The following PTPRM variants were observed in gnomAD, a reference collection of about 807,000 sequenced individuals.
PTPRM encodes the protein receptor-type tyrosine-protein phosphatase mu.
In PTPRM, 47 loss-of-function variants were observed where a neutral mutation model predicts 186.7. That is an observed-to-expected ratio of 0.25 (90% CI 0.20 to 0.32). The LOEUF (loss-of-function observed/expected upper bound fraction) is 0.32, where lower values mean the gene tolerates loss of function less well. Among genes scored for constraint, PTPRM ranks in the 10% least tolerant of loss-of-function variants. The pLI is 1.00. For synonymous variants in PTPRM, 668 were observed against 674.9 expected (o/e 0.99, Z 0.16); for missense variants, 1,494 against 1,865.0 (o/e 0.80, Z 3.66).
chr18:8,380,546 A>G (rs1033759938), intron 29 of PTPRM, 119 bp downstream of exon 29: 3 of 1,239,466 alleles, frequency 2.4e-6, no homozygotes, highest in African/African-American at 3.0e-5. Context: ...GTGCCAGTTG[A>G]AGTTGAGAAC....
chr18:8,384,524 T>G (rs761025929), intron 29 of PTPRM, 37 bp from the exon 30 acceptor site: 14 of 1,611,628 alleles, frequency 8.7e-6, no homozygotes, highest in Non-Finnish European at 1.1e-5. Flanking sequence ...AAATTTCCTC[T>G]TATAACTAAC....
At chr18:8,075,598 A>G (rs2089760555) in intron 8 of PTPRM, among the ~76,000 whole-genome samples, 1 of 152,142 alleles carries the variant, frequency 6.6e-6, no homozygotes, top group Admixed American at 6.6e-5. Context: ...ATTTTATAGA[A>G]AACTGGCAAA....
intron 23 of PTPRM, among the ~76,000 whole-genome samples, chr18:8,356,088 A>G (rs1238659423): frequency 6.6e-6 from 1 of 152,248 alleles, no homozygotes; most frequent in Non-Finnish European, 1.5e-5. Flanking sequence ...TGAATGGATG[A>G]AATGGATGTT....
At chr18:8,064,401 C>T (rs532635340) in intron 7 of PTPRM, among the ~76,000 whole-genome samples, 45 of 150,830 alleles carry the variant, frequency 3.0e-4, no homozygotes, top group African/African-American at 7.5e-4. Flanking sequence ...TTCTCTTAAA[C>T]GAGTACTGTT....
At chr18:8,241,020 T>A (rs549258308) in intron 14 of PTPRM, among the ~76,000 whole-genome samples, 1 of 152,258 alleles carries the variant, frequency 6.6e-6, no homozygotes, top group Non-Finnish European at 1.5e-5. Flanking sequence ...GGGTGATAGA[T>A]GATGTATATT....
chr18:7,782,686 A>G (rs1278180348), intron 2 of PTPRM, among the ~76,000 whole-genome samples: 1 of 152,180 alleles, frequency 6.6e-6, no homozygotes, highest in Non-Finnish European at 1.5e-5. Context: ...GGAGTCATAC[A>G]GTGCTGTCCT....
At chr18:7,928,838 C>G (rs2051321867) in intron 5 of PTPRM, among the ~76,000 whole-genome samples, 1 of 152,140 alleles carries the variant, frequency 6.6e-6, no homozygotes, top group Admixed American at 6.5e-5. Flanking sequence ...CCTGCTTAAA[C>G]TTGAGCACTT....
intron 1 of PTPRM, among the ~76,000 whole-genome samples, chr18:7,677,568 T>G (rs928235235): frequency 3.3e-5 from 5 of 152,154 alleles, no homozygotes; most frequent in African/African-American, 1.2e-4. Context: ...CACCCAAGAC[T>G]GAGTTCTTGG....
intron 15 of PTPRM, among the ~76,000 whole-genome samples, 192 bp from the exon 16 acceptor site, chr18:8,247,653 G>C (rs1385090481): frequency 6.6e-6 from 1 of 152,128 alleles, no homozygotes. Flanking sequence ...AGTGACGAAA[G>C]GTTGCTTGTC....
intron 2 of PTPRM, among the ~76,000 whole-genome samples, chr18:7,877,399 C>T (rs747276120): frequency 6.6e-6 from 1 of 152,088 alleles, no homozygotes; most frequent in Non-Finnish European, 1.5e-5. Flanking sequence ...CCTGTGTAAT[C>T]GCATGATCAT....
intron 31 of PTPRM, among the ~76,000 whole-genome samples, chr18:8,387,598 C>T (rs904412228): frequency 1.3e-5 from 2 of 151,986 alleles, no homozygotes; most frequent in Admixed American, 6.6e-5. Flanking sequence ...TTGAATTCAT[C>T]CATGGTAGAA....
At chr18:7,719,106 A>G (rs1286199300) in intron 1 of PTPRM, among the ~76,000 whole-genome samples, 1 of 152,234 alleles carries the variant, frequency 6.6e-6, no homozygotes, top group Non-Finnish European at 1.5e-5. Context: ...GCATGTTTAT[A>G]GCAGCATAAT....
intron 19 of PTPRM, among the ~76,000 whole-genome samples, chr18:8,271,900 A>G (rs1300951282): frequency 4.0e-5 from 6 of 151,672 alleles, no homozygotes; most frequent in Non-Finnish European, 8.8e-5. Flanking sequence ...TGTCAGTTTT[A>G]TTAATCTTTT....
intron 1 of PTPRM, among the ~76,000 whole-genome samples, chr18:7,642,442 A>G (rs568278396): frequency 1.3e-5 from 2 of 152,320 alleles, no homozygotes; most frequent in South Asian, 4.1e-4. Flanking sequence ...GGTTGGTGGC[A>G]TTAGCCTGTC....
At chr18:8,165,362 T>C (rs2093306794) in intron 14 of PTPRM, among the ~76,000 whole-genome samples, 1 of 152,122 alleles carries the variant, frequency 6.6e-6, no homozygotes, top group Non-Finnish European at 1.5e-5. Flanking sequence ...CAAGGATGGC[T>C]AAGAAAGTTA....
intron 2 of PTPRM, among the ~76,000 whole-genome samples, chr18:7,821,847 G>T (rs2045215231): frequency 6.6e-6 from 1 of 152,110 alleles, no homozygotes; most frequent in South Asian, 2.1e-4. Flanking sequence ...CCTATCCTGG[G>T]CAGGACAGAG....
intron 5 of PTPRM, among the ~76,000 whole-genome samples, chr18:7,937,010 T>C (rs1284067333): frequency 6.6e-6 from 1 of 152,184 alleles, no homozygotes; most frequent in Non-Finnish European, 1.5e-5. Context: ...ACCCTCACTG[T>C]GGAGCAAAGC....
chr18:7,885,181 C>T (rs915771890), intron 2 of PTPRM, among the ~76,000 whole-genome samples: 2 of 152,090 alleles, frequency 1.3e-5, no homozygotes, highest in African/African-American at 2.4e-5. Context: ...TAGAAGTCCT[C>T]GAAGTCATTC....
chr18:8,359,728 A>G (rs2095585177), intron 23 of PTPRM, among the ~76,000 whole-genome samples: 1 of 152,220 alleles, frequency 6.6e-6, no homozygotes, highest in African/African-American at 2.4e-5. Flanking sequence ...TGGTTCCAGC[A>G]CATTCCTACC....
Sources: allele counts gnomAD v4.1 joint callset (sites outside exome capture counted in the v4.1 genomes callset), GRCh38; gene constraint gnomAD v4.1.1; transcripts MANE v1.5; gene names NCBI Gene and HGNC (gene_info 2026-07-23, HGNC 2026-07-21).